The following SEC14L2 variants were observed in gnomAD, a reference collection of about 807,000 sequenced individuals.
SEC14L2 encodes the protein SEC14-like protein 2.
SEC14L2 carries 50 observed loss-of-function variants against 56.9 expected under a neutral mutation model. That is an observed-to-expected ratio of 0.88 (90% CI 0.70 to 1.11). The LOEUF is 1.11. Ranked by LOEUF, SEC14L2 falls within the 50% of genes most tolerant of loss-of-function variation. The probability of loss-of-function intolerance (pLI) is 0.00; values close to 1 mark genes in which losing one functional copy is unlikely to be tolerated. For synonymous variants in SEC14L2, 179 were observed against 188.5 expected (o/e 0.95, Z 0.41); for missense variants, 414 against 500.7 (o/e 0.83, Z 1.65).
rs1244393223 is a variant in SEC14L2 at position 30,415,746 on chromosome 22, C to T, written c.665-13C>T. 2 of 1,610,584 alleles carry T rather than the reference C, an allele frequency of 1.2e-6. No homozygotes were observed. The highest frequency in any genetic ancestry group is 1.3e-5 in the African/African-American group (1 of 74,810). On this transcript the variant is annotated splice_polypyrimidine_tract_variant and intron_variant, in intron 8 of 11. Coordinates refer to ENST00000615189, the MANE Select transcript of SEC14L2 (RefSeq NM_012429.5). ...TGAGATACATCTTTATCCTTCCTTCCCTCTCCTGCCAGCAAATTGGAAGGA... is the reference window on the plus strand; with the variant it reads ...TGAGATACATCTTTATCCTTCCTTCTCTCTCCTGCCAGCAAATTGGAAGGA...
intron 2 of SEC14L2, 38 bp downstream of exon 2, chr22:30,399,756 C>A: frequency 1.3e-6 from 2 of 1,578,430 alleles, no homozygotes; most frequent in South Asian, 1.1e-5. Context: ...GGGGCAGGGG[C>A]TTGTTCTGGG....
At chr22:30,401,980 T>C (rs1263566383) in intron 2 of SEC14L2, among the ~76,000 whole-genome samples, 2 of 152,130 alleles carry the variant, frequency 1.3e-5, no homozygotes, top group Non-Finnish European at 2.9e-5. Context: ...TCCTTTTCTT[T>C]CCAGAAATTT....
At chr22:30,406,525 G>C in intron 3 of SEC14L2, 140 bp downstream of exon 3, 1 of 767,306 alleles carries the variant, frequency 1.3e-6, no homozygotes, top group Non-Finnish European at 2.2e-6. Flanking sequence ...ATCCCTCTGG[G>C]ACAAATTGCA....
At chr22:30,401,220 T>TTTAC (rs1376499754) in intron 2 of SEC14L2, among the ~76,000 whole-genome samples, 1 of 145,742 alleles carries the variant, frequency 6.9e-6, no homozygotes, top group Non-Finnish European at 1.5e-5. Flanking sequence ...TATTTATTTA[T>TTTAC]TTATTTAGAG....
In SEC14L2 at chr22:30,424,458, G is replaced by T; in HGVS notation, c.*2051G>T. On this transcript the variant is annotated 3_prime_UTR_variant, in exon 12 of 12. Transcript: ENST00000615189. ...GCGGGGGCCTCCGTAGGGAGCCAGC[G>T]GGGGCCTCAATAGTTACTCATTTTC... 1 of 342,284 alleles carries T rather than the reference G, an allele frequency of 2.9e-6. No homozygotes were observed. Among genetic ancestry groups the T allele is most frequent in the South Asian group, 2.3e-5 (1 of 43,754 alleles). The allele number at this position is 342,284 out of a possible 1,614,324, so 21.2% of individuals were successfully genotyped here.
At chr22:30,401,906 T>C (rs1405516058) in intron 2 of SEC14L2, among the ~76,000 whole-genome samples, 1 of 152,100 alleles carries the variant, frequency 6.6e-6, no homozygotes, top group African/African-American at 2.4e-5. Flanking sequence ...TATTTCTTTA[T>C]GGACACATAA....
intron 5 of SEC14L2, among the ~76,000 whole-genome samples, chr22:30,408,224 A>G (rs1319414375): frequency 6.6e-6 from 1 of 152,210 alleles, no homozygotes; most frequent in African/African-American, 2.4e-5. Flanking sequence ...CTGTGGACCA[A>G]CCCATCCTTG....
At chr22:30,399,538 GAAAC>G (rs1933863764) in intron 1 of SEC14L2, 101 bp from the exon 2 acceptor site, 3 of 332,632 alleles carry the variant, frequency 9.0e-6, no homozygotes, top group Non-Finnish European at 1.0e-5. Flanking sequence ...AAAAAAAAAA[GAAAC>G]AAAGAAAGAG....
chr22:30,397,748 G>A (rs1005786443), intron 1 of SEC14L2: 1 of 416,266 alleles, frequency 2.4e-6, no homozygotes, highest in Non-Finnish European at 5.0e-6. Flanking sequence ...GTGAATTCCA[G>A]GCTCCCCCCA....
chr22:30,415,793 C>T lies in SEC14L2; in HGVS notation c.699C>T (p.Ser233=). 1 of 1,614,136 alleles carries T rather than the reference C, an allele frequency of 6.2e-7. No homozygotes were observed. The highest frequency in any genetic ancestry group is 1.1e-5 in the South Asian group (1 of 91,086). ...NWKEVLLKHI[S]PDQVPVEYGG... ...AGGAGGTTTTACTGAAACATATCAG[C>T]CCTGACCAGGTGCCTGTGGAGTATG... is the stretch of plus-strand genomic sequence containing the variant. Residue 233 remains serine, a synonymous_variant, in exon 9 of 12, where the codon AGC becomes AGT. Transcript: ENST00000615189.
chr22:30,397,177 T>G lies in SEC14L2; in HGVS notation c.54+7T>G, dbSNP rs776829240. 3.6e-5 allele frequency: 55 copies of G among 1,532,976 alleles called. No homozygotes were observed. Among genetic ancestry groups the G allele is most frequent in the Non-Finnish European group, 4.7e-5 (53 of 1,138,458 alleles). The allele number at this position is 1,532,976 out of a possible 1,614,324, so 95.0% of individuals were successfully genotyped here. ...GAAGGAGGCATTGGCCAAGGTGAGC[T>G]GTAGCCCTGGCCCGGGCTCCCGCCT... On this transcript the variant is annotated splice_region_variant and intron_variant, in intron 1 of 11. Coordinates refer to ENST00000615189, the MANE Select transcript of SEC14L2 (RefSeq NM_012429.5).
At chr22:30,415,358 G>A (rs1193445049) in intron 8 of SEC14L2, among the ~76,000 whole-genome samples, 1 of 152,114 alleles carries the variant, frequency 6.6e-6, no homozygotes, top group Non-Finnish European at 1.5e-5. Flanking sequence ...ACTTGAACCC[G>A]GGAGGCGGAG....
In SEC14L2 at chr22:30,407,608, G is replaced by C; in HGVS notation, c.423+5G>C. On this transcript the variant is annotated splice_donor_5th_base_variant and intron_variant, in intron 5 of 11. Transcript: ENST00000615189. ...TGTGCCCACCAGACCACAAAGGTGA[G>C]TGGACCACCATGGCTAGAAATGAGT... is the stretch of plus-strand genomic sequence containing the variant. The C allele has an allele frequency of 1.2e-6, 2 of 1,611,606 alleles. No homozygotes were observed. Among genetic ancestry groups the C allele is most frequent in the Non-Finnish European group, 1.7e-6 (2 of 1,178,202 alleles).
chr22:30,413,264 G>A (rs1242717548), intron 8 of SEC14L2, among the ~76,000 whole-genome samples: 3 of 152,202 alleles, frequency 2.0e-5, no homozygotes, highest in African/African-American at 7.2e-5. Context: ...AGAGAAGCAA[G>A]TCAACAGGGA....
At chr22:30,405,117 G>C (rs566608869) in intron 2 of SEC14L2, among the ~76,000 whole-genome samples, 11 of 152,012 alleles carry the variant, frequency 7.2e-5, no homozygotes, top group Admixed American at 1.3e-4. Context: ...GACAACACTT[G>C]GGGCTCTGCG....
At chr22:30,420,703 G>A (rs1934493680) in intron 11 of SEC14L2, 2 of 152,132 alleles carry the variant, frequency 1.3e-5, no homozygotes, top group African/African-American at 4.8e-5. Context: ...TATGCATTTT[G>A]TCCAGGGTCA....
chr22:30,410,169 A>G (rs1934210028), intron 7 of SEC14L2, among the ~76,000 whole-genome samples: 1 of 151,694 alleles, frequency 6.6e-6, no homozygotes, highest in South Asian at 2.1e-4. Flanking sequence ...AGGCTGAGGC[A>G]AGAGCACTGC....
chr22:30,413,627 G>C (rs764834137), intron 8 of SEC14L2, among the ~76,000 whole-genome samples: 1 of 152,146 alleles, frequency 6.6e-6, no homozygotes, highest in African/African-American at 2.4e-5. Context: ...TGAACTTTGG[G>C]GGTAGGTAAG....
intron 1 of SEC14L2, chr22:30,398,795 T>C (rs1448668296): frequency 6.4e-6 from 3 of 470,692 alleles, no homozygotes; most frequent in East Asian, 7.0e-5. Context: ...AAAGAGTGTG[T>C]GCTCTGGACT....
Sources: allele counts gnomAD v4.1 joint callset (sites outside exome capture counted in the v4.1 genomes callset), GRCh38; gene constraint gnomAD v4.1.1; transcripts MANE v1.5; gene names NCBI Gene and HGNC (gene_info 2026-07-23, HGNC 2026-07-21).